Variants in ARHGAP39 observed in about 807,000 individuals in gnomAD.
The protein encoded by ARHGAP39 is Rho GTPase activating protein 39.
In ARHGAP39, 44 loss-of-function variants were observed where a neutral mutation model predicts 106.9. That is an observed-to-expected ratio of 0.41 (90% CI 0.32 to 0.53). ARHGAP39 has a LOEUF of 0.53. ARHGAP39 is among the 20% of genes least tolerant of loss of function. ARHGAP39 has a pLI of 0.21. For synonymous variants in ARHGAP39, 768 were observed against 693.2 expected (o/e 1.11, Z -1.69); for missense variants, 1,496 against 1,577.3 (o/e 0.95, Z 0.87).
Position 144,641,536 on chromosome 8 carries a change from C to G in ARHGAP39, c.-81-35841G>C, listed in dbSNP as rs1453619879. On this transcript the variant is annotated intron_variant, in intron 1 of 11. Coordinates refer to ENST00000377307, the MANE Select transcript of ARHGAP39 (RefSeq NM_025251.3). The surrounding 1 kb of genome is among the most constrained non-coding windows in gnomAD (Gnocchi z 5.2). ...CAGCACCACCTGACCTGTCTCCTGG[C>G]ATCCCCTCAGCTCTCCTGCGTTCTG... Among the ~76,000 whole-genome samples the G allele has an allele frequency of 1.3e-5, 2 of 152,212 alleles. No homozygotes were observed. Among genetic ancestry groups the G allele is most frequent in the African/African-American group, 4.8e-5 (2 of 41,460 alleles).
intron 1 of ARHGAP39, among the ~76,000 whole-genome samples, chr8:144,667,585 CT>C: frequency 6.6e-6 from 1 of 152,320 alleles, no homozygotes; most frequent in Admixed American, 6.5e-5. Context: ...TACACTAAGT[CT>C]CAATAAACAA....
intron 1 of ARHGAP39, among the ~76,000 whole-genome samples, chr8:144,655,860 CACCAG>C (rs758365351): frequency 6.6e-6 from 1 of 152,082 alleles, no homozygotes; most frequent in Non-Finnish European, 1.5e-5. Context: ...AGCAGGAAAA[CACCAG>C]ACCAAAGTTC....
intron 4 of ARHGAP39, 141 bp downstream of exon 4, chr8:144,555,419 C>T (rs904363810): frequency 4.0e-6 from 3 of 755,146 alleles, no homozygotes; most frequent in African/African-American, 3.4e-5. Flanking sequence ...GGCCCCTGGC[C>T]CTGTGGCCTC....
intron 1 of ARHGAP39, among the ~76,000 whole-genome samples, chr8:144,621,614 C>T (rs930855299): frequency 3.9e-5 from 6 of 152,168 alleles, no homozygotes; most frequent in Non-Finnish European, 7.3e-5. Context: ...CCCAGAAGTT[C>T]AAGACCAGCC....
At position 144,590,907 on chromosome 8, in the gene ARHGAP39, C is replaced by T. The variant is rs139644272; in HGVS notation, c.81-9630G>A. 5.6e-3 allele frequency among the ~76,000 whole-genome samples: 852 copies of T among 151,620 alleles called. 8 individuals carry two copies. The highest frequency in any genetic ancestry group is 0.02 in the African/African-American group (817 of 41,344). The stretch of plus-strand genomic sequence containing the variant: ...CCAGAGGGTGAGGTCGCCCTGAACC[C>T]CAGCCCTCACCCCTGCCCCGTCCAG... On this transcript the variant is annotated intron_variant, in intron 2 of 11. Coordinates refer to ENST00000377307, the MANE Select transcript of ARHGAP39 (RefSeq NM_025251.3).
At chr8:144,688,867 G>A (rs987682813), upstream of ARHGAP39, among the ~76,000 whole-genome samples, 14 of 152,200 alleles carry the variant, frequency 9.2e-5, no homozygotes, top group African/African-American at 3.4e-4. Context: ...GATTTTTTGA[G>A]GACTGTAACA....
At chr8:144,693,466 C>T in the ARHGAP39 span, among the ~76,000 whole-genome samples, 9 of 152,068 alleles carry the variant, frequency 5.9e-5, no homozygotes, top group Non-Finnish European at 1.2e-4. Flanking sequence ...CTCCGCCTCC[C>T]GGGTTCATGC....
intron 9 of ARHGAP39, 31 bp from the exon 10 acceptor site, chr8:144,532,427 A>T (rs1460541980): frequency 6.3e-7 from 1 of 1,585,158 alleles, no homozygotes; most frequent in African/African-American, 1.3e-5. Context: ...CTCAGGCAAC[A>T]GGAGCCTGTG....
chr8:144,690,098 C>A (rs1487214250), upstream of ARHGAP39, among the ~76,000 whole-genome samples: 6 of 151,238 alleles, frequency 4.0e-5, no homozygotes, highest in African/African-American at 1.5e-4. Flanking sequence ...GCAATTGTAC[C>A]ATTTTGTTAT....
intron 1 of ARHGAP39, among the ~76,000 whole-genome samples, chr8:144,648,163 G>A (rs1374921292): frequency 1.3e-5 from 2 of 152,018 alleles, no homozygotes; most frequent in Admixed American, 6.6e-5. Flanking sequence ...GCTGCTCCAC[G>A]GCCCCAGCTG....
intron 1 of ARHGAP39, among the ~76,000 whole-genome samples, chr8:144,677,993 A>G (rs1822286389): frequency 6.6e-6 from 1 of 152,234 alleles, no homozygotes. Flanking sequence ...AAATGTGTCA[A>G]CGAGTCCCTC....
intron 1 of ARHGAP39, among the ~76,000 whole-genome samples, chr8:144,669,159 A>C (rs1822033673): frequency 6.7e-6 from 1 of 148,564 alleles, no homozygotes; most frequent in Admixed American, 6.8e-5. Flanking sequence ...AATTAACTCA[A>C]AATGGATCAA....
the ARHGAP39 span, among the ~76,000 whole-genome samples, chr8:144,693,436 C>G: frequency 6.4e-4 from 97 of 151,444 alleles, no homozygotes; most frequent in Non-Finnish European, 1.1e-3. Context: ...TGCAGTGGCG[C>G]GATCTCGGCT....
At chr8:144,674,409 G>A (rs969045534) in intron 1 of ARHGAP39, among the ~76,000 whole-genome samples, 6 of 152,198 alleles carry the variant, frequency 3.9e-5, no homozygotes, top group Admixed American at 6.5e-5. Context: ...TATCCTATCT[G>A]CAGGCAGGCT....
chr8:144,584,655 C>T (rs957315186), intron 2 of ARHGAP39, among the ~76,000 whole-genome samples: 6 of 152,066 alleles, frequency 3.9e-5, no homozygotes, highest in African/African-American at 1.4e-4. Flanking sequence ...CTCAGCTACT[C>T]GGGAGGCCAA....
At position 144,581,170 on chromosome 8, in the gene ARHGAP39, C is replaced by T. The variant is rs1395587013; in HGVS notation, c.188G>A (p.Arg63His). 6.4e-7 allele frequency: 1 copy of T among 1,569,388 alleles called. No individual in the cohort carries two copies. The change falls in exon 3 of 12, where the codon CGC becomes CAC. Residue 63 changes from arginine (R) to histidine (H), a missense_variant. Physicochemically the swap from Arg to His is conservative, Grantham distance 29. Around this residue, in one of 4 missense-constraint regions of ARHGAP39, gnomAD observed 96 missense variants for 107.9 expected, o/e 0.89. Coordinates refer to ENST00000377307, the MANE Select transcript of ARHGAP39 (RefSeq NM_025251.3). The stretch of plus-strand genomic sequence containing the variant: ...CTCCCACCACTGGTTCTCGCTGGTG[C>T]GCTTGATGCGGACGCCGGCCGGCGG... ...WDPPAGVRIKRTSENQWWELF... is the reference protein window; with the variant it reads ...WDPPAGVRIKHTSENQWWELF...
In ARHGAP39 at chr8:144,545,634, C is replaced by G. The variant is rs745805684; in HGVS notation, c.2136G>C (p.Arg712=). 1 of 1,613,696 alleles carries G rather than the reference C, an allele frequency of 6.2e-7. No homozygotes were observed. Among genetic ancestry groups the G allele is most frequent in the Non-Finnish European group, 8.5e-7 (1 of 1,180,022 alleles). The stretch of plus-strand genomic sequence containing the variant: ...CCAGCATGTTGGCGATGGACACCTT[C>G]CGCCGGAAGAGGCCCTGCGTGTGCT... ...FNKHTQGLFR[R]KVSIANMLAW... Residue 712 remains arginine, a synonymous_variant, in exon 6 of 12, where the codon CGG becomes CGC. Transcript: ENST00000377307.
chr8:144,657,158 C>T (rs918070770), intron 1 of ARHGAP39, among the ~76,000 whole-genome samples: 21 of 151,466 alleles, frequency 1.4e-4, no homozygotes, highest in African/African-American at 5.1e-4. Context: ...CTTTTGCAGG[C>T]CAAGGTGGGT....
At chr8:144,584,914 T>G (rs1213603916) in intron 2 of ARHGAP39, among the ~76,000 whole-genome samples, 1 of 152,212 alleles carries the variant, frequency 6.6e-6, no homozygotes, top group Admixed American at 6.5e-5. Context: ...CTCCTCTCCC[T>G]CAGGCATGCT....
Sources: allele counts gnomAD v4.1 joint callset (sites outside exome capture counted in the v4.1 genomes callset), GRCh38; gene constraint gnomAD v4.1.1; regional missense constraint gnomAD v4.1.1; non-coding constraint Gnocchi (gnomAD v3.1); transcripts MANE v1.5; gene names NCBI Gene and HGNC (gene_info 2026-07-23, HGNC 2026-07-21).